Variants in GLI3 observed in about 807,000 individuals in gnomAD.
GLI3 encodes GLI family zinc finger 3.
GLI3 carries 20 observed loss-of-function variants against 100.8 expected under a neutral mutation model. The ratio of observed to expected loss-of-function variants is 0.20; its 90% confidence interval spans 0.14 to 0.29. GLI3 has a LOEUF of 0.29. Among genes scored for constraint, GLI3 ranks in the 10% least tolerant of loss-of-function variants. GLI3 has a pLI of 1.00. For missense variants in GLI3, 2,040 were observed against 2,128.5 expected (o/e 0.96, Z 0.82); for synonymous variants, 938 against 860.5 (o/e 1.09, Z -1.58).
intron 3 of GLI3, among the ~76,000 whole-genome samples, chr7:42,125,022 C>T (rs1356318271): frequency 6.6e-6 from 1 of 152,134 alleles, no homozygotes; most frequent in Non-Finnish European, 1.5e-5. Flanking sequence ...AGCCAAGCTA[C>T]AGCAGATTTT....
chr7:42,159,122 C>CA (rs1184087650), intron 2 of GLI3, among the ~76,000 whole-genome samples: 2 of 151,620 alleles, frequency 1.3e-5, no homozygotes, highest in East Asian at 1.9e-4. Context: ...AGCTATTTTG[C>CA]AAAAAAACAA....
At chr7:42,168,991 G>A (rs993785695) in intron 2 of GLI3, among the ~76,000 whole-genome samples, 2 of 152,088 alleles carry the variant, frequency 1.3e-5, no homozygotes, top group African/African-American at 2.4e-5. Context: ...TGGGCTAGAG[G>A]GTGCTGAATG....
chr7:42,226,858 G>A (rs1222207386), intron 1 of GLI3, among the ~76,000 whole-genome samples: 1 of 152,166 alleles, frequency 6.6e-6, no homozygotes, highest in East Asian at 1.9e-4. Context: ...AAAGGTGGCC[G>A]CTTTGAGTTG....
intron 2 of GLI3, among the ~76,000 whole-genome samples, chr7:42,182,659 T>C (rs1402371186): frequency 3.2e-5 from 2 of 62,686 alleles, no homozygotes; most frequent in South Asian, 5.7e-4. Context: ...TATATATATA[T>C]ATATATATAT....
At chr7:41,984,064 G>T (rs1302035849) in intron 10 of GLI3, among the ~76,000 whole-genome samples, 1 of 152,218 alleles carries the variant, frequency 6.6e-6, no homozygotes, top group African/African-American at 2.4e-5. Flanking sequence ...CAATCAAGGA[G>T]GCAGAAGGTG....
chr7:42,163,432 CTTT>C (rs1343242464), intron 2 of GLI3, among the ~76,000 whole-genome samples: 1 of 143,308 alleles, frequency 7.0e-6, no homozygotes. Context: ...ATTTTCTTTT[CTTT>C]TTTTTTTTTT....
intron 10 of GLI3, among the ~76,000 whole-genome samples, chr7:41,993,222 G>C (rs1352935581): frequency 6.6e-6 from 1 of 152,162 alleles, no homozygotes; most frequent in East Asian, 1.9e-4. Flanking sequence ...CCTGAAACAA[G>C]GGAGACAGAG....
rs368148850 is a variant in GLI3 at position 42,085,908 on chromosome 7, T to C, written c.368-9051A>G. On this transcript the variant is annotated intron_variant, in intron 3 of 14. Coordinates refer to ENST00000395925, the MANE Select transcript of GLI3 (RefSeq NM_000168.6). ...AAGTCTCTGGAAGACCAGCAGTATT[T>C]CAAGAGTGTGCTGGTTGGCAACTTT... 4.6e-5 allele frequency among the ~76,000 whole-genome samples: 7 copies of C among 152,310 alleles called. 1 individual carries two copies. Among genetic ancestry groups the C allele is most frequent in the African/African-American group, 1.7e-4 (7 of 41,556 alleles).
chr7:42,238,201 T>G (rs1268217581), upstream of GLI3, among the ~76,000 whole-genome samples: 11 of 151,606 alleles, frequency 7.3e-5, no homozygotes, highest in Admixed American at 5.9e-4. Context: ...CTCTTCTCTC[T>G]CCACACCGCC....
intron 4 of GLI3, among the ~76,000 whole-genome samples, chr7:42,069,351 C>T (rs566508420): frequency 8.5e-5 from 13 of 152,220 alleles, no homozygotes; most frequent in African/African-American, 2.6e-4. Flanking sequence ...AAGTGTGTAT[C>T]GGCGGATCTG....
At chr7:42,111,885 A>G (rs542033239) in intron 3 of GLI3, among the ~76,000 whole-genome samples, 1 of 152,266 alleles carries the variant, frequency 6.6e-6, no homozygotes, top group African/African-American at 2.4e-5. Context: ...TGAGCAGTGC[A>G]CCCGGTATGG....
chr7:42,113,347 G>T, intron 3 of GLI3: 1 of 649,116 alleles, frequency 1.5e-6, no homozygotes, highest in Non-Finnish European at 2.9e-6. Context: ...CCTACGTCCC[G>T]TCGCTGTTGT....
At chr7:42,013,495 C>G (rs932331047) in intron 10 of GLI3, among the ~76,000 whole-genome samples, 70 of 151,916 alleles carry the variant, frequency 4.6e-4, no homozygotes, top group African/African-American at 1.6e-3. Context: ...TCTCAAGTAG[C>G]TGGGACTACA....
At chr7:42,055,643 C>T (rs1385064704) in intron 4 of GLI3, among the ~76,000 whole-genome samples, 3 of 152,140 alleles carry the variant, frequency 2.0e-5, no homozygotes, top group Non-Finnish European at 4.4e-5. Context: ...TAACCCTACC[C>T]ACACCTCTGT....
At chr7:42,203,708 T>C (rs79672372) in intron 2 of GLI3, among the ~76,000 whole-genome samples, 4 of 152,284 alleles carry the variant, frequency 2.6e-5, no homozygotes, top group African/African-American at 7.2e-5. Flanking sequence ...CTTTAAAATA[T>C]TGATTTGAGG....
At chr7:42,148,593 G>GCAA in intron 2 of GLI3, 125 bp from the exon 3 acceptor site, 1 of 922,012 alleles carries the variant, frequency 1.1e-6, no homozygotes. Flanking sequence ...CTCATTCACA[G>GCAA]CAACTTTGAG....
At chr7:42,242,909 T>C (rs1788939830) in intron 1 of GLI3, among the ~76,000 whole-genome samples, 1 of 152,114 alleles carries the variant, frequency 6.6e-6, no homozygotes, top group South Asian at 2.1e-4. Flanking sequence ...CCTGGGAATA[T>C]AATGGAGAGT....
At chr7:42,236,390 A>T (rs2128707434) in intron 1 of GLI3, among the ~76,000 whole-genome samples, 1 of 152,274 alleles carries the variant, frequency 6.6e-6, no homozygotes, top group African/African-American at 2.4e-5. Context: ...TACAACTTTC[A>T]CTTTTCCTCT....
At chr7:42,115,400 A>C (rs1465898865) in intron 3 of GLI3, among the ~76,000 whole-genome samples, 1 of 152,152 alleles carries the variant, frequency 6.6e-6, no homozygotes, top group Non-Finnish European at 1.5e-5. Flanking sequence ...TCGGCCTCCC[A>C]AAGTGCTGAG....
Sources: allele counts gnomAD v4.1 joint callset (sites outside exome capture counted in the v4.1 genomes callset), GRCh38; gene constraint gnomAD v4.1.1; transcripts MANE v1.5; gene names NCBI Gene and HGNC (gene_info 2026-07-23, HGNC 2026-07-21).